DNAI7: variants seen among roughly 807,000 people sequenced by gnomAD.
DNAI7 encodes the protein dynein axonemal intermediate chain 7, also known as cancer susceptibility 1.
DNAI7 carries 78 observed loss-of-function variants against 86.6 expected under a neutral mutation model. The ratio of observed to expected loss-of-function variants is 0.90; its 90% CI spans 0.75 to 1.09. DNAI7 has a LOEUF of 1.09. Ranked by LOEUF, DNAI7 falls within the 50% of genes least tolerant of loss-of-function variation. DNAI7 has a pLI of 0.00. For synonymous variants in DNAI7, 274 were observed against 273.0 expected (o/e 1.00, Z -0.04); for missense variants, 753 against 810.2 (o/e 0.93, Z 0.86).
intron 13 of DNAI7, among the ~76,000 whole-genome samples, chr12:25,114,423 T>C (rs536656288): frequency 6.6e-6 from 1 of 152,352 alleles, no homozygotes; most frequent in East Asian, 1.9e-4. Context: ...CTAGTAACTT[T>C]AGGGTACAAA....
At chr12:25,177,070 T>G (rs535288312) in intron 2 of DNAI7, among the ~76,000 whole-genome samples, 4 of 152,020 alleles carry the variant, frequency 2.6e-5, no homozygotes, top group African/African-American at 9.7e-5. Context: ...GCCTGGCTAA[T>G]TTTTGTATTT....
intron 13 of DNAI7, among the ~76,000 whole-genome samples, chr12:25,114,049 G>A (rs11047845): frequency 0.12 from 17,644 of 146,734 alleles, 1,411 homozygotes; most frequent in Admixed American, 0.16. Flanking sequence ...AGGTTCAAGC[G>A]ATTCTTTTGC....
At chr12:25,130,536 CAAAATAAAATAAAATAAAATAAAAT>C (rs10557708) in intron 9 of DNAI7, among the ~76,000 whole-genome samples, 31 of 146,608 alleles carry the variant, frequency 2.1e-4, no homozygotes, top group South Asian at 1.1e-3. Flanking sequence ...GACTCCCTCT[CAAAATAAAATAAAATAAAATAAAAT>C]AAAATAAAAT....
rs75247573 is a variant in DNAI7, at chr12:25,194,319, T to C, written c.3+757A>G. ...ATTAATTTGTTTAATCTGTATCCTA[T>C]AAGCAGAGTTGTCGTCATGTTCTTC... is the stretch of plus-strand genomic sequence containing the variant. On this transcript the variant is annotated intron_variant, in intron 1 of 15. Coordinates refer to ENST00000395987, the MANE Select transcript of DNAI7 (RefSeq NM_018272.5). Among the ~76,000 whole-genome samples, 784 of 152,350 alleles carry C rather than the reference T, an allele frequency of 5.1e-3. 2 individuals are homozygous for C. The highest frequency in any genetic ancestry group is 8.0e-3 in the Admixed American group (123 of 15,306).
At chr12:25,138,965 T>C (rs898351186) in intron 9 of DNAI7, among the ~76,000 whole-genome samples, 1 of 150,974 alleles carries the variant, frequency 6.6e-6, no homozygotes, top group South Asian at 2.1e-4. Flanking sequence ...ATTAGCGAGA[T>C]TAACCAAGAA....
chr12:25,134,887 T>C lies in DNAI7; in HGVS notation c.1002+9478A>G, dbSNP rs543842486. 7.9e-5 allele frequency among the ~76,000 whole-genome samples: 12 copies of C among 152,316 alleles called. No homozygotes were observed. In the South Asian group the frequency reaches 2.3e-3, roughly 29 times the overall value. On this transcript the variant is annotated intron_variant, in intron 9 of 15. Transcript: ENST00000395987. ...TTGAGAAGAAGATATAAATTCACTATGCAGTCAGTATTGTAGTGGATTCAT... is the reference window on the plus strand; with the variant it reads ...TTGAGAAGAAGATATAAATTCACTACGCAGTCAGTATTGTAGTGGATTCAT...
chr12:25,162,858 G>A (rs1397903271), intron 2 of DNAI7, among the ~76,000 whole-genome samples: 2 of 152,164 alleles, frequency 1.3e-5, no homozygotes, highest in Admixed American at 1.3e-4. Flanking sequence ...AGCAATACGA[G>A]CAGCTGAACC....
Position 25,149,777 on chromosome 12 carries a change from G to C in DNAI7, c.439-3C>G, listed in dbSNP as rs1197430384. On this transcript the variant is annotated splice_region_variant and splice_polypyrimidine_tract_variant and intron_variant, in intron 6 of 15. Coordinates refer to ENST00000395987, the MANE Select transcript of DNAI7 (RefSeq NM_018272.5). The stretch of plus-strand genomic sequence containing the variant: ...ATAAATTTCAATTTCTCAATTAACT[G>C]TAAAGTAAAAGAATATTTGCATTAA... The C allele has an allele frequency of 6.8e-7, 1 of 1,470,196 alleles. No individual in the cohort carries two copies. 91.1% of individuals were successfully genotyped at this position (1,470,196 alleles called of 1,614,324 possible).
chr12:25,171,577 T>C (rs1462060701), intron 2 of DNAI7, among the ~76,000 whole-genome samples: 2 of 152,108 alleles, frequency 1.3e-5, no homozygotes, highest in Admixed American at 6.6e-5. Context: ...ATTGACACTA[T>C]TCCACAAGAT....
In DNAI7 at chr12:25,147,113, G is replaced by A; in HGVS notation, c.586-9C>T. ...GCCAAAGTACTAGCTTGCTGTAAGA[G>A]AAAAAGAAAACATTATAAAGGGCCA... is the stretch of plus-strand genomic sequence containing the variant. On this transcript the variant is annotated splice_polypyrimidine_tract_variant and intron_variant, in intron 7 of 15. Transcript: ENST00000395987. 1 of 1,438,186 alleles carries A rather than the reference G, an allele frequency of 7.0e-7. No homozygotes were observed. The highest frequency in any genetic ancestry group is 9.8e-7 in the Non-Finnish European group (1 of 1,025,510). 89.1% of individuals were successfully genotyped at this position (1,438,186 alleles called of 1,614,324 possible).
chr12:25,167,058 T>G (rs982341407), intron 2 of DNAI7, among the ~76,000 whole-genome samples: 14 of 152,102 alleles, frequency 9.2e-5, no homozygotes, highest in African/African-American at 3.1e-4. Context: ...CTGATCCACC[T>G]GACATTCACC....
At chr12:25,134,408 G>T (rs549276497) in intron 9 of DNAI7, among the ~76,000 whole-genome samples, 1 of 129,704 alleles carries the variant, frequency 7.7e-6, no homozygotes, top group Non-Finnish European at 1.6e-5. Flanking sequence ...CCAGGCTAGA[G>T]TGCAGCGGCA....
chr12:25,163,185 C>A (rs1321683930), intron 2 of DNAI7, among the ~76,000 whole-genome samples: 1 of 152,184 alleles, frequency 6.6e-6, no homozygotes, highest in East Asian at 1.9e-4. Flanking sequence ...ATGATGAAAG[C>A]AATGGTACCT....
chr12:25,169,301 C>T (rs544134509), intron 2 of DNAI7, among the ~76,000 whole-genome samples: 7 of 152,204 alleles, frequency 4.6e-5, no homozygotes, highest in South Asian at 2.1e-4. Context: ...AGCTCCCCTA[C>T]TGAGCACCTT....
chr12:25,135,450 A>G (rs1047664828), intron 9 of DNAI7, among the ~76,000 whole-genome samples: 1 of 152,150 alleles, frequency 6.6e-6, no homozygotes, highest in African/African-American at 2.4e-5. Flanking sequence ...AATTTCCACC[A>G]AACACAAATT....
chr12:25,165,793 T>C (rs1459743897), intron 2 of DNAI7, among the ~76,000 whole-genome samples: 1 of 152,212 alleles, frequency 6.6e-6, no homozygotes, highest in Non-Finnish European at 1.5e-5. Flanking sequence ...GTTGGAGGTA[T>C]TGACGGCCAG....
chr12:25,179,443 T>A (rs959670224), intron 2 of DNAI7, among the ~76,000 whole-genome samples: 1 of 152,162 alleles, frequency 6.6e-6, no homozygotes, highest in Non-Finnish European at 1.5e-5. Context: ...CTATTAATTA[T>A]TGAAAGAGAA....
chr12:25,184,101 T>C (rs1156816227), intron 2 of DNAI7, among the ~76,000 whole-genome samples: 1 of 152,206 alleles, frequency 6.6e-6, no homozygotes, highest in Non-Finnish European at 1.5e-5. Context: ...CATGCATGTT[T>C]TTAACAATAG....
At chr12:25,136,257 G>A (rs1278014479) in intron 9 of DNAI7, among the ~76,000 whole-genome samples, 8 of 152,208 alleles carry the variant, frequency 5.3e-5, no homozygotes, top group Non-Finnish European at 2.9e-5. Context: ...ACACTCCGCA[G>A]TACCAACCTG....
Sources: gnomAD v4.1 joint callset for allele counts (sites outside exome capture counted in the v4.1 genomes callset) on GRCh38, gnomAD v4.1.1 for gene constraint, MANE v1.5 for transcripts, NCBI Gene and HGNC (gene_info 2026-07-23, HGNC 2026-07-21) for gene names.